CDH12: variants seen among roughly 807,000 people sequenced by gnomAD.
The protein encoded by CDH12 is cadherin 12, also known as cadherin-12.
Under a neutral mutation model 74.1 loss-of-function variants are expected in CDH12, and 41 were observed. That is an observed-to-expected ratio of 0.55 (90% confidence interval 0.43 to 0.72). CDH12 has a LOEUF of 0.72. Ranked by LOEUF, CDH12 falls within the 30% of genes least tolerant of loss-of-function variation. CDH12 has a pLI of 0.00. For synonymous variants in CDH12, 399 were observed against 355.0 expected (o/e 1.12, Z -1.39); for missense variants, 945 against 977.2 (o/e 0.97, Z 0.44).
chr5:22,113,028 T>A (rs886294148), intron 4 of CDH12, among the ~76,000 whole-genome samples: 3 of 152,198 alleles, frequency 2.0e-5, no homozygotes, highest in African/African-American at 7.2e-5. Flanking sequence ...TAAACTCCGA[T>A]ATTTTTGTCT....
At chr5:22,806,321 T>C (rs1351912580) in intron 1 of CDH12, among the ~76,000 whole-genome samples, 1 of 151,938 alleles carries the variant, frequency 6.6e-6, no homozygotes, top group Non-Finnish European at 1.5e-5. Flanking sequence ...CCAGTGTCTG[T>C]TGTTTTCTGA....
At chr5:22,635,769 C>G (rs1738809143) in intron 1 of CDH12, among the ~76,000 whole-genome samples, 1 of 152,040 alleles carries the variant, frequency 6.6e-6, no homozygotes, top group Non-Finnish European at 1.5e-5. Context: ...CAAAAATTAG[C>G]TGGGCGTAGT....
intron 1 of CDH12, among the ~76,000 whole-genome samples, chr5:22,649,590 T>G (rs1739624128): frequency 6.6e-6 from 1 of 152,006 alleles, no homozygotes; most frequent in Non-Finnish European, 1.5e-5. Context: ...CTATACCGCA[T>G]TAGGTAATTT....
chr5:21,926,851 G>T (rs1162522296), intron 6 of CDH12, among the ~76,000 whole-genome samples: 1 of 152,140 alleles, frequency 6.6e-6, no homozygotes, highest in Non-Finnish European at 1.5e-5. Context: ...TTCTCTCCTG[G>T]TTGCTGTTGT....
chr5:21,774,227 C>T (rs572044834), intron 11 of CDH12, among the ~76,000 whole-genome samples: 1 of 152,254 alleles, frequency 6.6e-6, no homozygotes, highest in Admixed American at 6.5e-5. Context: ...AGGACAAAAG[C>T]AGGCAGAGGA....
chr5:21,939,902 C>T (rs1238605285), intron 6 of CDH12, among the ~76,000 whole-genome samples: 10 of 151,762 alleles, frequency 6.6e-5, no homozygotes, highest in Middle Eastern at 3.2e-3. Context: ...GTTTTTTGTG[C>T]GTACTGATGA....
At chr5:22,162,240 C>G (rs947184167) in intron 4 of CDH12, among the ~76,000 whole-genome samples, 2 of 152,006 alleles carry the variant, frequency 1.3e-5, no homozygotes, top group Non-Finnish European at 1.5e-5. Flanking sequence ...CTTTGAAGGC[C>G]CACACCCTAA....
chr5:22,120,877 A>AT (rs1319578953), intron 4 of CDH12, among the ~76,000 whole-genome samples: 6 of 152,160 alleles, frequency 3.9e-5, no homozygotes, highest in Non-Finnish European at 7.4e-5. Flanking sequence ...AAATTTAATA[A>AT]TTTTATCATC....
intron 2 of CDH12, among the ~76,000 whole-genome samples, chr5:22,422,588 TTGTATAATATTACCA>T (rs1313603345): frequency 6.6e-6 from 1 of 152,150 alleles, no homozygotes; most frequent in Admixed American, 6.5e-5. Context: ...CAAATAACAC[TTGTATAATATTACCA>T]TGGATCTAAT....
At chr5:22,594,053 A>C (rs978703657) in intron 1 of CDH12, among the ~76,000 whole-genome samples, 1 of 152,212 alleles carries the variant, frequency 6.6e-6, no homozygotes, top group African/African-American at 2.4e-5. Flanking sequence ...AGGGTGTTCA[A>C]ACCCATGTGG....
intron 1 of CDH12, among the ~76,000 whole-genome samples, chr5:22,698,676 GATATATATATATAT>G (rs1193077466): frequency 0.024 from 751 of 30,930 alleles, 36 homozygotes; most frequent in African/African-American, 0.064. Context: ...TCAATCCCCA[GATATATATATATAT>G]ATATATATAT....
intron 1 of CDH12, among the ~76,000 whole-genome samples, chr5:22,760,136 G>A (rs532208459): frequency 3.2e-4 from 48 of 152,270 alleles, no homozygotes; most frequent in African/African-American, 1.1e-3. Context: ...TTGTAGCAAT[G>A]AATAAAATAA....
chr5:21,997,189 C>T (rs1736348879), intron 5 of CDH12, among the ~76,000 whole-genome samples: 1 of 152,052 alleles, frequency 6.6e-6, no homozygotes, highest in Non-Finnish European at 1.5e-5. Context: ...AGTCTGGGAA[C>T]GAAACTCAGG....
intron 1 of CDH12, among the ~76,000 whole-genome samples, chr5:22,615,784 G>T (rs1284252873): frequency 2.0e-5 from 3 of 152,080 alleles, no homozygotes; most frequent in African/African-American, 7.2e-5. Context: ...TGCATGAGGA[G>T]AATTTCTTCT....
intron 1 of CDH12, among the ~76,000 whole-genome samples, chr5:22,687,826 C>T (rs984920947): frequency 6.6e-6 from 1 of 152,088 alleles, no homozygotes; most frequent in Non-Finnish European, 1.5e-5. Flanking sequence ...AAAAGATTAT[C>T]TGAATATAGT....
chr5:22,097,727 C>A (rs1205371080), intron 4 of CDH12, among the ~76,000 whole-genome samples: 1 of 152,056 alleles, frequency 6.6e-6, no homozygotes, highest in African/African-American at 2.4e-5. Flanking sequence ...CCACCTAAAC[C>A]CACAAGTATA....
chr5:21,766,346 G>A (rs918436357), intron 11 of CDH12, among the ~76,000 whole-genome samples: 2 of 151,830 alleles, frequency 1.3e-5, no homozygotes, highest in Non-Finnish European at 2.9e-5. Flanking sequence ...ATAATACCAG[G>A]CGTGCTTATA....
chr5:22,430,500 T>A (rs951314935), intron 2 of CDH12, among the ~76,000 whole-genome samples: 1 of 151,946 alleles, frequency 6.6e-6, no homozygotes, highest in Non-Finnish European at 1.5e-5. Flanking sequence ...AAGGAAAAAA[T>A]TTTAAACTCT....
rs1554026286 is a variant in CDH12 at position 22,270,604 on chromosome 5, AAT to A, written c.-332-57963_-332-57962del. Among the ~76,000 whole-genome samples the A allele has an allele frequency of 8.4e-3, 1,218 of 145,248 alleles. 22 individuals carry two copies. Among genetic ancestry groups the A allele is most frequent in the African/African-American group, 0.03 (1,161 of 38,956 alleles). On this transcript the variant is annotated intron_variant, in intron 3 of 14. Transcript: ENST00000382254. ...GGTGAGACACCGTCTCAAAAAAAAA[AAT>A]ATATATATATATATGTATACACACA...
Sources: gnomAD v4.1 joint callset for allele counts (sites outside exome capture counted in the v4.1 genomes callset) on GRCh38, gnomAD v4.1.1 for gene constraint, MANE v1.5 for transcripts, NCBI Gene and HGNC (gene_info 2026-07-23, HGNC 2026-07-21) for gene names.